The following PTPRG variants were observed in gnomAD, a reference collection of about 807,000 sequenced individuals.
The protein encoded by PTPRG is protein tyrosine phosphatase receptor type G.
Under a neutral mutation model 165.3 loss-of-function variants are expected in PTPRG, and 102 were observed. That is an observed-to-expected ratio of 0.62 (90% CI 0.53 to 0.73). The LOEUF (loss-of-function observed/expected upper bound fraction) is 0.73, where lower values mean the gene tolerates loss of function less well. Ranked by LOEUF, PTPRG falls within the 30% of genes least tolerant of loss-of-function variation. The probability of loss-of-function intolerance (pLI) is 0.00; values close to 1 mark genes in which losing one functional copy is unlikely to be tolerated. For synonymous variants in PTPRG, 675 were observed against 669.5 expected, an observed-to-expected ratio of 1.01 and a Z score of -0.13; for missense variants, 1,866 against 1,861.4, an observed-to-expected ratio of 1.00 and a Z score of -0.05.
At position 61,783,696 on chromosome 3, in the gene PTPRG, A is replaced by G. The variant is rs1032177094; in HGVS notation, c.190+34714A>G. ...GTTTGGTGCAGTAGAGAAAGTATGA[A>G]CAAGGGGTGGAAGCCAGGACTAGCA... is the stretch of plus-strand genomic sequence containing the variant. On this transcript the variant is annotated intron_variant, in intron 2 of 29. Transcript: ENST00000474889. Among the ~76,000 whole-genome samples, 3 of 152,108 alleles carry G rather than the reference A, an allele frequency of 2.0e-5. 1 individual carries two copies. The South Asian group carries it at 6.2e-4, about 32-fold the overall frequency.
intron 2 of PTPRG, among the ~76,000 whole-genome samples, chr3:61,811,908 G>A (rs1301689012): frequency 2.6e-5 from 4 of 152,118 alleles, no homozygotes; most frequent in Non-Finnish European, 5.9e-5. Flanking sequence ...CAGATCTAAC[G>A]GTTTAGATTA....
At chr3:61,732,218 T>G (rs2032527851) in intron 1 of PTPRG, among the ~76,000 whole-genome samples, 1 of 152,194 alleles carries the variant, frequency 6.6e-6, no homozygotes, top group African/African-American at 2.4e-5. Context: ...TTTTGACATG[T>G]AATCAGAATT....
chr3:62,262,644 G>T, intron 16 of PTPRG, 154 bp from the exon 17 acceptor site: 1 of 498,038 alleles, frequency 2.0e-6, no homozygotes, highest in South Asian at 3.9e-5. Context: ...TCATAAACTC[G>T]TTATAAATAT....
chr3:62,026,310 A>G lies in PTPRG; in HGVS notation c.519+22813A>G, dbSNP rs150775781. On this transcript the variant is annotated intron_variant, in intron 4 of 29. Coordinates refer to ENST00000474889, the MANE Select transcript of PTPRG (RefSeq NM_002841.4). ...GAAAATGCAATGTTCTTGACATTCA[A>G]GTGTTTTTTATATTAACTACTTGTT... Among the ~76,000 whole-genome samples the G allele has an allele frequency of 3.4e-3, 524 of 152,330 alleles. 4 individuals are homozygous for G. The highest frequency in any genetic ancestry group is 0.017 in the Middle Eastern group (5 of 294).
intron 2 of PTPRG, among the ~76,000 whole-genome samples, chr3:61,803,705 C>T (rs984032497): frequency 3.3e-5 from 5 of 152,114 alleles, no homozygotes; most frequent in Non-Finnish European, 7.3e-5. Context: ...TGGCTGGGCT[C>T]TCTCACTGGG....
intron 1 of PTPRG, among the ~76,000 whole-genome samples, chr3:61,678,620 G>A (rs779512386): frequency 3.3e-5 from 5 of 152,086 alleles, no homozygotes; most frequent in Non-Finnish European, 4.4e-5. Context: ...TTCCCTGGCC[G>A]AGAGATCAAC....
chr3:61,682,963 G>C (rs1254060259), intron 1 of PTPRG, among the ~76,000 whole-genome samples: 2 of 152,188 alleles, frequency 1.3e-5, no homozygotes, highest in Non-Finnish European at 2.9e-5. Flanking sequence ...TTGTCCTTAA[G>C]TGGAAAGCTT....
chr3:61,732,274 C>G (rs1017881278), intron 1 of PTPRG, among the ~76,000 whole-genome samples: 1 of 152,124 alleles, frequency 6.6e-6, no homozygotes, highest in African/African-American at 2.4e-5. Flanking sequence ...TCTTACTAAG[C>G]ATTTGAAATC....
intron 4 of PTPRG, among the ~76,000 whole-genome samples, chr3:62,010,440 T>C (rs2041394759): frequency 6.6e-6 from 1 of 151,602 alleles, no homozygotes; most frequent in Non-Finnish European, 1.5e-5. Context: ...AAGTTTATAC[T>C]TTTCTCCTCT....
intron 15 of PTPRG, among the ~76,000 whole-genome samples, chr3:62,253,320 C>G (rs918363477): frequency 1.3e-5 from 2 of 152,130 alleles, no homozygotes; most frequent in Non-Finnish European, 2.9e-5. Flanking sequence ...TTGCCTTCAA[C>G]TTATTACTCT....
At chr3:61,833,096 T>TGTGTGTGTGTGTGTGTGA (rs10525238) in intron 2 of PTPRG, among the ~76,000 whole-genome samples, 1 of 151,734 alleles carries the variant, frequency 6.6e-6, no homozygotes, top group African/African-American at 2.4e-5. Context: ...TGTGTGTGTG[T>TGTGTGTGTGTGTGTGTGA]ACACAGTTTC....
intron 2 of PTPRG, among the ~76,000 whole-genome samples, chr3:61,936,344 G>C (rs1357031649): frequency 3.9e-5 from 6 of 152,182 alleles, no homozygotes; most frequent in Non-Finnish European, 1.5e-5. Flanking sequence ...ATTCTTTTCA[G>C]AGATGAGATT....
At chr3:61,939,939 T>G (rs1157664214) in intron 2 of PTPRG, among the ~76,000 whole-genome samples, 1 of 101,142 alleles carries the variant, frequency 9.9e-6, no homozygotes, top group African/African-American at 5.2e-5. Flanking sequence ...TTTTTTTTTT[T>G]TTTTTTTTTT....
rs1644493722 is a variant in PTPRG, at chr3:62,099,785, T to A, written c.615+21527T>A. Among the ~76,000 whole-genome samples the A allele has an allele frequency of 2.1e-5, 3 of 145,618 alleles. No homozygotes were observed. In the South Asian group the frequency reaches 6.7e-4, roughly 33 times the overall value. Reference sequence around the variant, plus strand: ...GAGGTAAGTAGTCATAGTACTTAAGTGTTAAATCTTTTTTTTTTTTTTTTT... The same window carrying A: ...GAGGTAAGTAGTCATAGTACTTAAGAGTTAAATCTTTTTTTTTTTTTTTTT... On this transcript the variant is annotated intron_variant, in intron 5 of 29. Transcript: ENST00000474889.
chr3:62,269,123 G>T lies in PTPRG; in HGVS notation c.2963G>T (p.Cys988Phe). 1 of 1,602,834 alleles carries T rather than the reference G, an allele frequency of 6.2e-7. No individual in the cohort carries two copies. The highest frequency in any genetic ancestry group is 8.5e-7 in the Non-Finnish European group (1 of 1,171,796). Reference sequence around the variant, plus strand: ...CTGAAGAGCACAAAAATACATGCCTGCTACACTGTTCGTCGTTTTTCAATC... The same window carrying T: ...CTGAAGAGCACAAAAATACATGCCTTCTACACTGTTCGTCGTTTTTCAATC... ...VTLKSTKIHACYTVRRFSIRN... is the reference protein window; with the variant it reads ...VTLKSTKIHAFYTVRRFSIRN... The change falls in exon 20 of 30, where the codon TGC (cysteine) becomes TTC (phenylalanine). Residue 988 changes from cysteine (C) to phenylalanine (F), a missense_variant. By Grantham distance (205) the Cys-to-Phe change is radical. This residue lies in a region of PTPRG where 1,452 missense variants were observed against 1,463.0 expected (regional missense o/e 0.99). Coordinates refer to ENST00000474889, the MANE Select transcript of PTPRG (RefSeq NM_002841.4).
At chr3:61,822,255 A>G (rs572285475) in intron 2 of PTPRG, among the ~76,000 whole-genome samples, 64 of 152,286 alleles carry the variant, frequency 4.2e-4, no homozygotes, top group Admixed American at 3.8e-3. Flanking sequence ...CACATCCCCA[A>G]ATATGCAGTG....
intron 4 of PTPRG, among the ~76,000 whole-genome samples, chr3:62,042,108 A>G (rs1356342849): frequency 1.3e-5 from 2 of 152,212 alleles, no homozygotes; most frequent in African/African-American, 4.8e-5. Flanking sequence ...AGAGGGTCAC[A>G]GAAAATCTTG....
chr3:61,887,119 C>CATATATATATATATATAT, intron 2 of PTPRG, among the ~76,000 whole-genome samples: 1 of 103,418 alleles, frequency 9.7e-6, no homozygotes, highest in Non-Finnish European at 1.8e-5. Context: ...ATAACCATAG[C>CATATATATATATATATAT]ATGCATATAT....
chr3:62,132,546 A>G (rs1703554943), intron 5 of PTPRG, 56 bp from the exon 6 acceptor site: 7 of 1,353,148 alleles, frequency 5.2e-6, no homozygotes, highest in Non-Finnish European at 7.4e-6. Context: ...TTAAACTGAG[A>G]CTGTTGTGCC....
Sources: allele counts gnomAD v4.1 joint callset (sites outside exome capture counted in the v4.1 genomes callset), GRCh38; gene constraint gnomAD v4.1.1; regional missense constraint gnomAD v4.1.1; transcripts MANE v1.5; gene names NCBI Gene and HGNC (gene_info 2026-07-23, HGNC 2026-07-21).